The following UGCG variants were observed in gnomAD, a reference collection of about 807,000 sequenced individuals.
The protein encoded by UGCG is ceramide glucosyltransferase.
A neutral mutation model predicts 49.5 loss-of-function variants in UGCG; 10 were observed. The observed-to-expected ratio is 0.20, with a 90% CI of 0.12 to 0.34. The LOEUF (loss-of-function observed/expected upper bound fraction) is 0.34. UGCG is among the 10% of genes least tolerant of loss of function. UGCG has a pLI of 1.00. For synonymous variants in UGCG, 182 were observed against 158.2 expected (o/e 1.15, Z -1.13); for missense variants, 312 against 483.7 (o/e 0.65, Z 3.33).
intron 7 of UGCG, 124 bp downstream of exon 7, chr9:111,931,481 A>G (rs1838423566): frequency 3.8e-6 from 3 of 792,054 alleles, no homozygotes; most frequent in Non-Finnish European, 5.9e-6. Context: ...GTTTAGTTGC[A>G]GAAAATAGAG....
chr9:111,902,901 C>A (rs1192243256), intron 1 of UGCG, among the ~76,000 whole-genome samples: 1 of 152,010 alleles, frequency 6.6e-6, no homozygotes, highest in Admixed American at 6.6e-5. Context: ...CCTCAGCCTC[C>A]CAAGCAGCTG....
chr9:111,931,150 G>C, intron 6 of UGCG, 121 bp from the exon 7 acceptor site: 1 of 894,592 alleles, frequency 1.1e-6, no homozygotes, highest in Non-Finnish European at 1.7e-6. Flanking sequence ...AATCATGAAA[G>C]CTGGGCTCAC....
intron 3 of UGCG, among the ~76,000 whole-genome samples, chr9:111,924,270 A>G (rs1213081618): frequency 6.6e-6 from 1 of 152,224 alleles, no homozygotes; most frequent in Non-Finnish European, 1.5e-5. Flanking sequence ...TGAAATATAT[A>G]TATATGTACA....
At chr9:111,923,363 G>GTT (rs34690862) in intron 3 of UGCG, among the ~76,000 whole-genome samples, 1 of 146,272 alleles carries the variant, frequency 6.8e-6, no homozygotes, top group Non-Finnish European at 1.5e-5. Flanking sequence ...TGCCATTAGT[G>GTT]TTTTTTTTTT....
At chr9:111,902,776 T>TTC (rs887916565) in intron 1 of UGCG, among the ~76,000 whole-genome samples, 5 of 147,414 alleles carry the variant, frequency 3.4e-5, no homozygotes, top group East Asian at 2.0e-4. Context: ...TAGAGTGAAA[T>TTC]TCTCTCTTTT....
chr9:111,913,521 C>T (rs961918761), intron 1 of UGCG, among the ~76,000 whole-genome samples: 1 of 152,204 alleles, frequency 6.6e-6, no homozygotes, highest in East Asian at 1.9e-4. Flanking sequence ...GCAACCTCCA[C>T]CCCCGGGTTC....
intron 2 of UGCG, among the ~76,000 whole-genome samples, chr9:111,918,084 T>C (rs558252130): frequency 1.3e-5 from 2 of 152,234 alleles, no homozygotes; most frequent in East Asian, 3.9e-4. Context: ...CTCTGTCACC[T>C]GTGCTGGAGT....
rs568679803 is a variant in UGCG, at chr9:111,935,037, A to G, written c.*2040A>G. On this transcript the variant is annotated 3_prime_UTR_variant, in exon 9 of 9. Coordinates refer to ENST00000374279, the MANE Select transcript of UGCG (RefSeq NM_003358.3). ...CTGCTGATCTCAGTATGGACAGTGT[A>G]ACAACAAAACCAAAATGGCTGGACA... 6.6e-6 allele frequency: 1 copy of G among 152,334 alleles called. No homozygotes were observed. The highest frequency in any genetic ancestry group is 2.1e-4 in the South Asian group (1 of 4,820). The allele number at this position is 152,334 out of a possible 1,614,324, so 9.4% of individuals were successfully genotyped here. A position where few individuals can be genotyped will look rare whatever the true frequency, so the allele number is the denominator to read the frequency against.
chr9:111,917,940 A>G (rs1409232759), intron 2 of UGCG, among the ~76,000 whole-genome samples: 1 of 152,234 alleles, frequency 6.6e-6, no homozygotes, highest in Non-Finnish European at 1.5e-5. Flanking sequence ...TTACTTCAGT[A>G]AATTCTGGCC....
At chr9:111,911,565 C>T (rs1404565649) in intron 1 of UGCG, among the ~76,000 whole-genome samples, 1 of 151,914 alleles carries the variant, frequency 6.6e-6, no homozygotes, top group African/African-American at 2.4e-5. Context: ...TTATCAGACC[C>T]TCTTAATATT....
rs60468274 is a variant in UGCG at position 111,912,029 on chromosome 9, G to GATATATATATATATATAT, written c.99-2569_99-2552dup. On this transcript the variant is annotated intron_variant, in intron 1 of 8. Coordinates refer to ENST00000374279, the MANE Select transcript of UGCG (RefSeq NM_003358.3). ...CAGGATACATATATATATTCAACAG[G>GATATATATATATATATAT]ATATATATATATATATATATATATC... Among the ~76,000 whole-genome samples the GATATATATATATATATAT allele has an allele frequency of 1.4e-3, 91 of 64,534 alleles. 3 individuals carry two copies. The highest frequency in any genetic ancestry group is 1.8e-3 in the Non-Finnish European group (66 of 36,082). The allele number at this position is 64,534 out of a possible 152,430, so 42.3% of individuals were successfully genotyped here. A position where few individuals can be genotyped will look rare whatever the true frequency, so the allele number is the denominator to read the frequency against.
rs554720440 is a variant in UGCG, at chr9:111,896,917, G to A, written c.-299G>A. 1.3e-4 allele frequency: 23 copies of A among 171,800 alleles called. No individual in the cohort carries two copies. The highest frequency in any genetic ancestry group is 2.3e-3 in the Middle Eastern group (1 of 444). The allele number at this position is 171,800 out of a possible 1,614,324, so 10.6% of individuals were successfully genotyped here. A position where few individuals can be genotyped will look rare whatever the true frequency, so the allele number is the denominator to read the frequency against. On this transcript the variant is annotated 5_prime_UTR_variant, in exon 1 of 9. Transcript: ENST00000374279. The stretch of plus-strand genomic sequence containing the variant: ...CGCAGGGTCTGGTGGGCGGCCGCGA[G>A]GCTCGGGAGAGGCGAACCGGAGCGC...
chr9:111,914,181 T>A (rs1361378896), intron 1 of UGCG, among the ~76,000 whole-genome samples: 1 of 152,212 alleles, frequency 6.6e-6, no homozygotes, highest in Non-Finnish European at 1.5e-5. Flanking sequence ...ACACTGCCAT[T>A]CATTTCTTCA....
chr9:111,901,513 A>G (rs1348403345), intron 1 of UGCG, among the ~76,000 whole-genome samples: 1 of 152,156 alleles, frequency 6.6e-6, no homozygotes, highest in African/African-American at 2.4e-5. Context: ...ATAGTGTGAT[A>G]GCTTTAAAGA....
Position 111,934,792 on chromosome 9 carries a change from A to G in UGCG, c.*1795A>G, listed in dbSNP as rs576524310. The G allele has an allele frequency of 1.3e-5, 2 of 149,240 alleles. No homozygotes were observed. Among genetic ancestry groups the G allele is most frequent in the East Asian group, 2.0e-4 (1 of 5,124 alleles). The allele number at this position is 149,240 out of a possible 1,614,324, so 9.2% of individuals were successfully genotyped here. A position where few individuals can be genotyped will look rare whatever the true frequency, so the allele number is the denominator to read the frequency against. ...ATTTTCTTTATGAACAAAGGCTTGGATGCATATTCCTTTCTTTCTGTGAAT... is the reference window on the plus strand; with the variant it reads ...ATTTTCTTTATGAACAAAGGCTTGGGTGCATATTCCTTTCTTTCTGTGAAT... On this transcript the variant is annotated 3_prime_UTR_variant, in exon 9 of 9. Transcript: ENST00000374279.
At chr9:111,916,707 C>G (rs967948996) in intron 2 of UGCG, among the ~76,000 whole-genome samples, 1 of 150,992 alleles carries the variant, frequency 6.6e-6, no homozygotes, top group Admixed American at 6.6e-5. Flanking sequence ...CTCAAGCAAT[C>G]CCCCCACCTC....
chr9:111,909,956 T>C (rs1347359947), intron 1 of UGCG, among the ~76,000 whole-genome samples: 1 of 152,182 alleles, frequency 6.6e-6, no homozygotes, highest in Non-Finnish European at 1.5e-5. Flanking sequence ...CCCTGTGATA[T>C]AGTCTGGCTT....
intron 2 of UGCG, chr9:111,915,064 A>C (rs1838088303): frequency 4.8e-6 from 1 of 207,364 alleles, no homozygotes; most frequent in East Asian, 1.1e-4. Context: ...GGATATGAAC[A>C]ATAGGAAGAG....
intron 1 of UGCG, among the ~76,000 whole-genome samples, chr9:111,909,196 A>T (rs1223101800): frequency 7.2e-5 from 11 of 152,194 alleles, no homozygotes; most frequent in African/African-American, 2.7e-4. Context: ...CTAGAATTAT[A>T]AGCATGAGCC....
Sources: gnomAD v4.1 joint callset for allele counts (sites outside exome capture counted in the v4.1 genomes callset) on GRCh38, gnomAD v4.1.1 for gene constraint, MANE v1.5 for transcripts, NCBI Gene and HGNC (gene_info 2026-07-23, HGNC 2026-07-21) for gene names.